RARB: variants seen among roughly 807,000 people sequenced by gnomAD.
RARB encodes retinoic acid receptor beta.
RARB carries 17 observed loss-of-function variants against 51.9 expected under a neutral mutation model. That is an observed-to-expected ratio of 0.33 (90% CI 0.22 to 0.49). The LOEUF (loss-of-function observed/expected upper bound fraction) is 0.49. Among genes scored for constraint, RARB ranks in the 20% least tolerant of loss-of-function variants. The probability of loss-of-function intolerance (pLI) is 0.99; values close to 1 mark genes in which losing one functional copy is unlikely to be tolerated. For missense variants in RARB, 369 were observed against 550.8 expected, an observed-to-expected ratio of 0.67 and a Z score of 3.30; for synonymous variants, 215 against 195.4, an observed-to-expected ratio of 1.10 and a Z score of -0.84.
rs1695222859 is a variant in RARB, at chr3:24,921,812, G to T, written c.-380+63060G>T. The stretch of plus-strand genomic sequence containing the variant: ...CTGTATAGAATAATCTCTGCAATTA[G>T]CAATCCAATGCAGCAATTCTTAGAT... On this transcript the variant is annotated intron_variant, in intron 2 of 11. Transcript: ENST00000383772. 1.3e-5 allele frequency among the ~76,000 whole-genome samples: 2 copies of T among 152,180 alleles called. 1 individual carries two copies. Among genetic ancestry groups the T allele is most frequent in the South Asian group, 4.1e-4 (2 of 4,830 alleles).
chr3:25,130,626 G>A (rs907082766), intron 3 of RARB, among the ~76,000 whole-genome samples: 1 of 151,838 alleles, frequency 6.6e-6, no homozygotes, highest in East Asian at 1.9e-4. Flanking sequence ...TGAAACAAGA[G>A]AGGGACCTGG....
chr3:25,492,644 C>T (rs1696796192), intron 2 of RARB, among the ~76,000 whole-genome samples: 1 of 151,986 alleles, frequency 6.6e-6, no homozygotes, highest in South Asian at 2.1e-4. Context: ...CAGGAAAATG[C>T]TGTAATCATA....
intron 5 of RARB, among the ~76,000 whole-genome samples, chr3:25,418,753 G>A (rs927614808): frequency 1.3e-5 from 2 of 152,084 alleles, no homozygotes; most frequent in Admixed American, 6.6e-5. Flanking sequence ...GTCAGTGGAT[G>A]GAAAATCCCT....
intron 2 of RARB, among the ~76,000 whole-genome samples, chr3:25,484,826 C>A (rs578262205): frequency 5.1e-4 from 78 of 152,130 alleles, no homozygotes; most frequent in Non-Finnish European, 9.9e-4. Context: ...AAAATGGAAG[C>A]TTTAACCTAT....
In RARB at chr3:25,593,712, C is replaced by T; in HGVS notation, c.991+5C>T. 6.2e-7 allele frequency: 1 copy of T among 1,611,320 alleles called. No individual in the cohort carries two copies. The highest frequency in any genetic ancestry group is 8.5e-7 in the Non-Finnish European group (1 of 1,177,592). Reference sequence around the variant, plus strand: ...CCATCTGCTTAATCTGTGGAGGTACCAACTATGTAGAAAAGCCTCATGAAA... The same window carrying T: ...CCATCTGCTTAATCTGTGGAGGTACTAACTATGTAGAAAAGCCTCATGAAA... On this transcript the variant is annotated splice_donor_5th_base_variant and intron_variant, in intron 6 of 7. Coordinates refer to ENST00000330688, the MANE Select transcript of RARB (RefSeq NM_000965.5).
intron 5 of RARB, among the ~76,000 whole-genome samples, chr3:25,285,131 A>T (rs376345020): frequency 6.6e-6 from 1 of 152,232 alleles, no homozygotes; most frequent in African/African-American, 2.4e-5. Context: ...CATTACCTCA[A>T]TGATCACAAC....
intron 1 of RARB, among the ~76,000 whole-genome samples, chr3:25,446,456 C>G (rs899254652): frequency 6.6e-6 from 1 of 152,136 alleles, no homozygotes; most frequent in Non-Finnish European, 1.5e-5. Context: ...GCCCACAAAG[C>G]CTAAAGTATT....
At chr3:25,416,556 T>G (rs1345569954) in intron 5 of RARB, among the ~76,000 whole-genome samples, 1 of 152,234 alleles carries the variant, frequency 6.6e-6, no homozygotes, top group Non-Finnish European at 1.5e-5. Flanking sequence ...AGCAAGTTTT[T>G]TTCTCTAAAG....
intron 3 of RARB, among the ~76,000 whole-genome samples, chr3:25,548,880 A>G (rs1705503650): frequency 6.6e-6 from 1 of 152,172 alleles, no homozygotes; most frequent in South Asian, 2.1e-4. Context: ...TAGATGTTTT[A>G]GGGTGAGCCA....
chr3:25,170,939 G>A (rs941248437), intron 4 of RARB, among the ~76,000 whole-genome samples: 1 of 152,024 alleles, frequency 6.6e-6, no homozygotes, highest in Non-Finnish European at 1.5e-5. Flanking sequence ...GCTACCTCCT[G>A]TCTGGCGTTT....
intron 4 of RARB, among the ~76,000 whole-genome samples, chr3:25,139,711 A>T (rs376175741): frequency 3.0e-4 from 45 of 152,300 alleles, no homozygotes; most frequent in African/African-American, 1.0e-3. Context: ...CAGATTTTCT[A>T]TGTAGAGGAA....
At chr3:25,373,526 A>G (rs1394914060) in intron 5 of RARB, among the ~76,000 whole-genome samples, 1 of 152,226 alleles carries the variant, frequency 6.6e-6, no homozygotes, top group Non-Finnish European at 1.5e-5. Flanking sequence ...CAATCTTATT[A>G]GTGTTGAGAG....
intron 3 of RARB, among the ~76,000 whole-genome samples, chr3:25,536,857 A>C (rs1314365910): frequency 6.6e-6 from 1 of 152,202 alleles, no homozygotes; most frequent in Non-Finnish European, 1.5e-5. Context: ...GGATTTTTAG[A>C]AGCCCTAGGA....
chr3:25,023,868 A>C (rs1242676283), intron 2 of RARB, among the ~76,000 whole-genome samples: 2 of 152,198 alleles, frequency 1.3e-5, no homozygotes, highest in Non-Finnish European at 2.9e-5. Flanking sequence ...AAATATCTCT[A>C]GATGTGGGTG....
At chr3:25,292,728 C>G (rs1355749349) in intron 5 of RARB, among the ~76,000 whole-genome samples, 1 of 152,130 alleles carries the variant, frequency 6.6e-6, no homozygotes, top group African/African-American at 2.4e-5. Context: ...GGTCAGCTGT[C>G]CCCACTGGCA....
intron 2 of RARB, among the ~76,000 whole-genome samples, chr3:25,051,657 A>G (rs1698335104): frequency 6.6e-6 from 1 of 152,184 alleles, no homozygotes. Flanking sequence ...GAGCTATTAG[A>G]TGATAGATAG....
At chr3:24,952,148 A>G (rs1313620483) in intron 2 of RARB, among the ~76,000 whole-genome samples, 2 of 152,136 alleles carry the variant, frequency 1.3e-5, no homozygotes, top group African/African-American at 4.8e-5. Flanking sequence ...GCTAAGATGG[A>G]AGGATCCTTT....
chr3:25,577,619 A>G (rs189110638), intron 4 of RARB, among the ~76,000 whole-genome samples: 13 of 152,360 alleles, frequency 8.5e-5, no homozygotes, highest in Non-Finnish European at 1.0e-4. Flanking sequence ...ACGCTTGAAC[A>G]AACCACTGTA....
chr3:25,084,247 G>T (rs1419927502), intron 3 of RARB, among the ~76,000 whole-genome samples: 2 of 152,076 alleles, frequency 1.3e-5, no homozygotes, highest in African/African-American at 4.8e-5. Context: ...CCACAGTTTG[G>T]AATGCCTTCC....
Sources: gnomAD v4.1 joint callset for allele counts (sites outside exome capture counted in the v4.1 genomes callset) on GRCh38, gnomAD v4.1.1 for gene constraint, MANE v1.5 for transcripts, NCBI Gene and HGNC (gene_info 2026-07-23, HGNC 2026-07-21) for gene names.